The following HTD2 variants were observed in gnomAD, a reference collection of about 807,000 sequenced individuals.
The protein encoded by HTD2 is hydroxyacyl-thioester dehydratase type 2, also known as hydroxyacyl-thioester dehydratase type 2, mitochondrial.
A neutral mutation model predicts 3.1 loss-of-function variants in HTD2; 1 was observed. The ratio of observed to expected loss-of-function variants is 0.32; its 90% CI spans 0.11 to 1.52. HTD2 has a LOEUF of 1.52. HTD2 is among the 40% of genes most tolerant of loss of function. The probability of loss-of-function intolerance (pLI) is 0.39; values close to 1 mark genes in which losing one functional copy is unlikely to be tolerated. For synonymous variants in HTD2, 50 were observed against 28.9 expected (o/e 1.73, Z -2.34); for missense variants, 150 against 79.6 (o/e 1.88, Z -3.36).
At chr3:58,314,761 T>G (rs2097486552) in intron 2 of HTD2, among the ~76,000 whole-genome samples, 1 of 143,392 alleles carries the variant, frequency 7.0e-6, no homozygotes, top group African/African-American at 2.6e-5. Flanking sequence ...CTTGGCTCAC[T>G]GCAACCTCCG....
At position 58,318,771 on chromosome 3, in the gene HTD2, A is replaced by C. The variant is rs2097491236; in HGVS notation, c.*651A>C. 3 of 152,010 alleles carry C rather than the reference A, an allele frequency of 2.0e-5. No individual in the cohort carries two copies. The highest frequency in any genetic ancestry group is 2.0e-4 in the Admixed American group (3 of 15,224). The allele number at this position is 152,010 out of a possible 1,614,324, so 9.4% of individuals were successfully genotyped here. A position where few individuals can be genotyped will look rare whatever the true frequency, so the allele number is the denominator to read the frequency against. On this transcript the variant is annotated 3_prime_UTR_variant, in exon 5 of 5. Coordinates refer to ENST00000461393, the MANE Select transcript of HTD2 (RefSeq NM_001348712.2). ...TCCCAGCATTTTGGGAGGCTGAGGC[A>C]GGCGAATCACTTGAGGTCAGGAGTT... is the stretch of plus-strand genomic sequence containing the variant.
chr3:58,316,146 C>T (rs1223601561), intron 2 of HTD2, among the ~76,000 whole-genome samples: 1 of 152,172 alleles, frequency 6.6e-6, no homozygotes, highest in African/African-American at 2.4e-5. Flanking sequence ...GGACTAATGT[C>T]TTGGTTCTTG....
At chr3:58,313,029 C>T (rs552407748) in intron 2 of HTD2, among the ~76,000 whole-genome samples, 5 of 149,484 alleles carry the variant, frequency 3.3e-5, no homozygotes, top group Non-Finnish European at 4.4e-5. Context: ...TTTGGGAGGC[C>T]AAGGCAGGCA....
chr3:58,307,976 T>C (rs777230439), intron 1 of HTD2: 1 of 152,088 alleles, frequency 6.6e-6, no homozygotes, highest in Non-Finnish European at 1.5e-5. Context: ...CTCGTGAATG[T>C]TGTGTAAGTC....
At chr3:58,308,029 C>T (rs1344810486) in intron 1 of HTD2, 1 of 152,068 alleles carries the variant, frequency 6.6e-6, no homozygotes. Context: ...ATTTCACTCC[C>T]CTATTTTAGG....
Position 58,317,511 on chromosome 3 carries a change from A to G in HTD2, c.-103A>G, listed in dbSNP as rs1490382547. 1 of 1,547,980 alleles carries G rather than the reference A, an allele frequency of 6.5e-7. No individual in the cohort carries two copies. Among genetic ancestry groups the G allele is most frequent in the Non-Finnish European group, 8.9e-7 (1 of 1,124,204 alleles). ...TATTGGATTGAATGAATAGTCTTCC[A>G]TTTTGGAAACGTTCATCCACTCTCA... is the stretch of plus-strand genomic sequence containing the variant. On this transcript the variant is annotated 5_prime_UTR_variant, in exon 5 of 5. Coordinates refer to ENST00000461393, the MANE Select transcript of HTD2 (RefSeq NM_001348712.2).
intron 1 of HTD2, among the ~76,000 whole-genome samples, chr3:58,309,844 A>T (rs1457409350): frequency 6.6e-6 from 1 of 152,142 alleles, no homozygotes; most frequent in East Asian, 1.9e-4. Flanking sequence ...GTGAGCCAAG[A>T]TTGTGCCACT....
chr3:58,317,036 T>G, intron 4 of HTD2, 43 bp downstream of exon 4: 1 of 1,363,046 alleles, frequency 7.3e-7, no homozygotes, highest in Non-Finnish European at 1.0e-6. Flanking sequence ...GACTGAGTGA[T>G]GGGTCAACTG....
intron 4 of HTD2, 68 bp from the exon 5 acceptor site, chr3:58,317,372 G>T: frequency 9.6e-7 from 1 of 1,036,700 alleles, no homozygotes; most frequent in Admixed American, 2.2e-5. Flanking sequence ...AACTGGGCAT[G>T]TTTCCCCATT....
At chr3:58,312,786 C>T (rs148902461) in intron 2 of HTD2, among the ~76,000 whole-genome samples, 191 of 151,972 alleles carry the variant, frequency 1.3e-3, no homozygotes, top group African/African-American at 4.1e-3. Flanking sequence ...CGTGGTGAAA[C>T]GCTTTCTCTA....
At chr3:58,309,888 T>C (rs2097480245) in intron 1 of HTD2, among the ~76,000 whole-genome samples, 1 of 150,598 alleles carries the variant, frequency 6.6e-6, no homozygotes, top group South Asian at 2.1e-4. Flanking sequence ...CAAGACTCCT[T>C]CTCCAAAAAA....
At position 58,317,811 on chromosome 3, in the gene HTD2, G is replaced by T. The variant is rs559257446; in HGVS notation, c.198G>T (p.Leu66Phe). 8 of 703,034 alleles carry T rather than the reference G, an allele frequency of 1.1e-5. No homozygotes were observed. The African/African-American group carries it at 1.4e-4, about 12-fold the overall frequency. 43.5% of individuals were successfully genotyped at this position (703,034 alleles called of 1,614,324 possible). The change falls in exon 5 of 5, where the codon TTG becomes TTT. Residue 66 changes from leucine (L) to phenylalanine (F), a missense_variant. Coordinates refer to ENST00000461393, the MANE Select transcript of HTD2 (RefSeq NM_001348712.2). ...FSELTGDVNP[L>F]HLNEDFAKHT... ...AATTAACAGGGGATGTCAATCCTTTGCATTTGAATGAAGACTTTGCAAAAC... is the reference window on the plus strand; with the variant it reads ...AATTAACAGGGGATGTCAATCCTTTTCATTTGAATGAAGACTTTGCAAAAC...
chr3:58,316,843 TAGAAA>T, intron 3 of HTD2, 67 bp from the exon 4 acceptor site: 1 of 1,289,984 alleles, frequency 7.8e-7, no homozygotes, highest in South Asian at 1.3e-5. Flanking sequence ...GTGAATATTT[TAGAAA>T]CCTTAGTTGA....
intron 1 of HTD2, chr3:58,310,058 G>T (rs575195306): frequency 4.8e-6 from 2 of 415,230 alleles, no homozygotes; most frequent in Non-Finnish European, 8.7e-6. Flanking sequence ...AAATCTGCTG[G>T]ATGTGGTGGC....
chr3:58,313,383 G>T (rs571024207), intron 2 of HTD2, among the ~76,000 whole-genome samples: 1 of 152,328 alleles, frequency 6.6e-6, no homozygotes, highest in South Asian at 2.1e-4. Context: ...GCAACTTTGA[G>T]AACAGAAGTA....
chr3:58,313,802 G>A (rs1039211865), intron 2 of HTD2, among the ~76,000 whole-genome samples: 3 of 152,202 alleles, frequency 2.0e-5, no homozygotes, highest in Non-Finnish European at 4.4e-5. Context: ...CTGGGGGTAG[G>A]GGTGGGAAAG....
intron 2 of HTD2, among the ~76,000 whole-genome samples, chr3:58,315,334 C>T (rs2097487114): frequency 6.7e-6 from 1 of 149,228 alleles, no homozygotes; most frequent in Non-Finnish European, 1.5e-5. Flanking sequence ...TCTTGAAATA[C>T]TATATATAAT....
chr3:58,313,793 TG>T (rs573154167), intron 2 of HTD2, among the ~76,000 whole-genome samples: 210 of 152,164 alleles, frequency 1.4e-3, no homozygotes, highest in Middle Eastern at 3.4e-3. Context: ...CCTCCATGGC[TG>T]GGGGTAGGGG....
rs754768982 is a variant in HTD2, at chr3:58,317,407, C to T, written c.-174-33C>T. Reference sequence around the variant, plus strand: ...TGCCCTGTGCTTCAGTGTGGTTTCTCCCAATGCCTTAACCTTTTTCTTTCT... The same window carrying T: ...TGCCCTGTGCTTCAGTGTGGTTTCTTCCAATGCCTTAACCTTTTTCTTTCT... On this transcript the variant is annotated intron_variant, in intron 4 of 4. Transcript: ENST00000461393. The T allele has an allele frequency of 6.1e-6, 9 of 1,486,918 alleles. No individual in the cohort carries two copies. The African/African-American group carries it at 7.0e-5, about 12-fold the overall frequency. The allele number at this position is 1,486,918 out of a possible 1,614,324, so 92.1% of individuals were successfully genotyped here.
Sources: gnomAD v4.1 joint callset for allele counts (sites outside exome capture counted in the v4.1 genomes callset) on GRCh38, gnomAD v4.1.1 for gene constraint, MANE v1.5 for transcripts, NCBI Gene and HGNC (gene_info 2026-07-23, HGNC 2026-07-21) for gene names.